Variants in CUZD1 observed in about 807,000 individuals in gnomAD.
CUZD1 encodes the protein CUB and zona pellucida like domains 1, also known as CUB and zona pellucida-like domain-containing protein 1.
A neutral mutation model predicts 53.1 loss-of-function variants in CUZD1; 42 were observed. The ratio of observed to expected loss-of-function variants is 0.79; its 90% CI spans 0.62 to 1.02. The LOEUF is 1.02. Among genes scored for constraint, CUZD1 ranks in the 50% least tolerant of loss-of-function variants. The probability of loss-of-function intolerance (pLI) is 0.00; values close to 1 mark genes in which losing one functional copy is unlikely to be tolerated. For missense variants in CUZD1, 670 were observed against 715.7 expected (o/e 0.94, Z 0.73); for synonymous variants, 238 against 257.2 (o/e 0.93, Z 0.71).
chr10:122,840,184 A>G (rs1847317702), intron 2 of CUZD1, among the ~76,000 whole-genome samples: 1 of 152,158 alleles, frequency 6.6e-6, no homozygotes, highest in Non-Finnish European at 1.5e-5. Context: ...TTGAAGGATA[A>G]AGTAAATTCC....
intron 8 of CUZD1, among the ~76,000 whole-genome samples, 182 bp downstream of exon 8, chr10:122,833,490 C>T (rs1373986632): frequency 5.9e-5 from 9 of 152,178 alleles, no homozygotes; most frequent in Non-Finnish European, 1.3e-4. Context: ...TTACACTGTA[C>T]ATGGTATGCA....
chr10:122,841,398 C>T, intron 1 of CUZD1, 70 bp from the exon 2 acceptor site: 3 of 1,426,528 alleles, frequency 2.1e-6, no homozygotes, highest in Non-Finnish European at 2.8e-6. Flanking sequence ...GATTAGGAAT[C>T]TACCTCTCAC....
intron 3 of CUZD1, among the ~76,000 whole-genome samples, chr10:122,838,725 C>T (rs192733237): frequency 1.3e-5 from 2 of 152,324 alleles, no homozygotes; most frequent in Admixed American, 1.3e-4. Flanking sequence ...ATGTAGCCAT[C>T]TGATCAGCCC....
chr10:122,832,230 CT>C lies in CUZD1; in HGVS notation c.*47del. On this transcript the variant is annotated 3_prime_UTR_variant, in exon 9 of 9. Coordinates refer to ENST00000392790, the MANE Select transcript of CUZD1 (RefSeq NM_022034.6). The stretch of plus-strand genomic sequence containing the variant: ...ATGTGTAGCCACGAGGTAGCATTTC[CT>C]TTGGCATCCTGGAGAAACATGTCTC... 1 of 1,594,388 alleles carries C rather than the reference CT, an allele frequency of 6.3e-7. No homozygotes were observed. The highest frequency in any genetic ancestry group is 1.1e-5 in the South Asian group (1 of 89,574).
intron 8 of CUZD1, among the ~76,000 whole-genome samples, chr10:122,833,203 C>G (rs865776288): frequency 1.3e-5 from 2 of 152,032 alleles, no homozygotes; most frequent in Non-Finnish European, 2.9e-5. Context: ...AGGTTTCAAG[C>G]CTTTCAAAAG....
At chr10:122,838,910 C>T in intron 3 of CUZD1, 107 bp downstream of exon 3, 1 of 803,728 alleles carries the variant, frequency 1.2e-6, no homozygotes, top group South Asian at 1.6e-5. Context: ...ATAGAGAAGA[C>T]TCTGAGGGAA....
At chr10:122,836,023 A>G (rs1340185424) in intron 6 of CUZD1, among the ~76,000 whole-genome samples, 155 bp downstream of exon 6, 1 of 151,990 alleles carries the variant, frequency 6.6e-6, no homozygotes, top group Middle Eastern at 3.2e-3. Context: ...ATGAATGGGT[A>G]TGTGCACTTA....
rs905040061 is a variant in CUZD1, at chr10:122,832,259, T to G, written c.*19A>C. On this transcript the variant is annotated 3_prime_UTR_variant, in exon 9 of 9. Coordinates refer to ENST00000392790, the MANE Select transcript of CUZD1 (RefSeq NM_022034.6). ...GGCATCCTGGAGAAACATGTCTCAC[T>G]TAGGGTTGGACCTGTTAGTTAATAG... The G allele has an allele frequency of 2.5e-6, 4 of 1,610,900 alleles. No homozygotes were observed. Among genetic ancestry groups the G allele is most frequent in the African/African-American group, 2.7e-5 (2 of 74,868 alleles).
Position 122,832,207 on chromosome 10 carries a change from G to A in CUZD1, c.*71C>T. 1 of 1,491,680 alleles carries A rather than the reference G, an allele frequency of 6.7e-7. No individual in the cohort carries two copies. The highest frequency in any genetic ancestry group is 9.3e-7 in the Non-Finnish European group (1 of 1,079,590). 92.4% of individuals were successfully genotyped at this position (1,491,680 alleles called of 1,614,324 possible). The stretch of plus-strand genomic sequence containing the variant: ...GCCCTTCCTCATTTATTCATAATAT[G>A]TGTAGCCACGAGGTAGCATTTCCTT... On this transcript the variant is annotated 3_prime_UTR_variant, in exon 9 of 9. Coordinates refer to ENST00000392790, the MANE Select transcript of CUZD1 (RefSeq NM_022034.6).
intron 5 of CUZD1, 78 bp from the exon 6 acceptor site, chr10:122,836,428 G>T (rs1465269256): frequency 8.1e-7 from 1 of 1,239,030 alleles, no homozygotes; most frequent in African/African-American, 1.5e-5. Context: ...AGCTACGTGT[G>T]CAAGTAAATA....
At chr10:122,836,707 G>A (rs1847257296) in intron 5 of CUZD1, 124 bp downstream of exon 5, 1 of 704,218 alleles carries the variant, frequency 1.4e-6, no homozygotes, top group African/African-American at 1.8e-5. Flanking sequence ...TTATGAATAT[G>A]TTCCCAACTA....
At chr10:122,832,828 G>T (rs1194429776) in intron 8 of CUZD1, among the ~76,000 whole-genome samples, 7 of 151,990 alleles carry the variant, frequency 4.6e-5, no homozygotes, top group Admixed American at 4.6e-4. Flanking sequence ...ATAGGAAAAA[G>T]ATACTTTTCT....
intron 3 of CUZD1, among the ~76,000 whole-genome samples, chr10:122,838,460 C>T (rs183925653): frequency 1.9e-4 from 29 of 152,250 alleles, no homozygotes; most frequent in African/African-American, 6.7e-4. Flanking sequence ...GTAAATGTAG[C>T]CTCCAATCAC....
At chr10:122,844,495 A>G (rs1040178765) in intron 1 of CUZD1, among the ~76,000 whole-genome samples, 7 of 152,146 alleles carry the variant, frequency 4.6e-5, no homozygotes. Flanking sequence ...GTTATTAAAA[A>G]GGAGAAAGAA....
At chr10:122,843,899 A>G (rs1566239108) in intron 1 of CUZD1, among the ~76,000 whole-genome samples, 1 of 146,766 alleles carries the variant, frequency 6.8e-6, no homozygotes, top group South Asian at 2.1e-4. Context: ...AGTTATATAT[A>G]TTGTTAGATA....
chr10:122,838,002 C>T, intron 3 of CUZD1: 1 of 155,006 alleles, frequency 6.5e-6, no homozygotes, highest in Non-Finnish European at 1.4e-5. Flanking sequence ...TCTTCCCTGA[C>T]TCCCACCTCC....
intron 1 of CUZD1, among the ~76,000 whole-genome samples, chr10:122,842,324 A>AT (rs1373297153): frequency 6.6e-6 from 1 of 152,154 alleles, no homozygotes; most frequent in Non-Finnish European, 1.5e-5. Context: ...GGTTGAGTTC[A>AT]TTTTTTGCAT....
rs551074034 is a variant in CUZD1, at chr10:122,841,226, A to G, written c.185T>C (p.Ile62Thr). The stretch of plus-strand genomic sequence containing the variant: ...GATGCTTTTGTTTTCTGGTCTTTCT[A>G]TTGTCCAGGTGCAGTTCTCACTGGG... ...LNPSENCTWTIERPENKSIRI... is the reference protein window; with the variant it reads ...LNPSENCTWTTERPENKSIRI... Residue 62 changes from isoleucine to threonine, a missense_variant, in exon 2 of 9, where the codon ATA (isoleucine) becomes ACA (threonine). Coordinates refer to ENST00000392790, the MANE Select transcript of CUZD1 (RefSeq NM_022034.6). 6.2e-7 allele frequency: 1 copy of G among 1,613,838 alleles called. No homozygotes were observed.
intron 3 of CUZD1, chr10:122,837,769 C>T (rs1257498681): frequency 3.2e-5 from 14 of 438,622 alleles, no homozygotes; most frequent in Admixed American, 3.1e-4. Flanking sequence ...TATTGCCAAA[C>T]GAATCATATT....
Sources: gnomAD v4.1 joint callset for allele counts (sites outside exome capture counted in the v4.1 genomes callset) on GRCh38, gnomAD v4.1.1 for gene constraint, MANE v1.5 for transcripts, NCBI Gene and HGNC (gene_info 2026-07-23, HGNC 2026-07-21) for gene names.